Variants in MSRA observed in about 807,000 individuals in gnomAD.
MSRA encodes the protein methionine sulfoxide reductase A.
A neutral mutation model predicts 31.3 loss-of-function variants in MSRA; 54 were observed. The ratio of observed to expected loss-of-function variants is 1.73; its 90% CI spans 1.39 to 2.17. MSRA has a LOEUF of 2.17. Ranked by LOEUF, MSRA falls within the 30% of genes most tolerant of loss-of-function variation. MSRA has a pLI of 0.00. For synonymous variants in MSRA, 169 were observed against 116.5 expected (o/e 1.45, Z -2.90); for missense variants, 507 against 300.9 (o/e 1.69, Z -5.07).
At chr8:10,304,320 T>C (rs756114673) in intron 4 of MSRA, among the ~76,000 whole-genome samples, 1 of 152,232 alleles carries the variant, frequency 6.6e-6, no homozygotes, top group Non-Finnish European at 1.5e-5. Context: ...AATATATTCC[T>C]ACAGGAAGAA....
chr8:10,266,490 T>C (rs1182372594), intron 3 of MSRA, among the ~76,000 whole-genome samples: 3 of 152,246 alleles, frequency 2.0e-5, no homozygotes, highest in African/African-American at 7.2e-5. Flanking sequence ...ACAAGTCCTT[T>C]ATCAGACATA....
intron 1 of MSRA, among the ~76,000 whole-genome samples, chr8:10,072,745 T>G (rs1018920934): frequency 1.3e-5 from 2 of 152,232 alleles, no homozygotes; most frequent in Admixed American, 1.3e-4. Context: ...TGTCTTTCCA[T>G]TTATTTAAGT....
chr8:10,117,227 G>C (rs1360128929), intron 1 of MSRA, among the ~76,000 whole-genome samples: 1 of 152,176 alleles, frequency 6.6e-6, no homozygotes, highest in East Asian at 1.9e-4. Flanking sequence ...TTTGATTTTT[G>C]AGGGAAGAGA....
intron 1 of MSRA, among the ~76,000 whole-genome samples, chr8:10,133,889 G>A (rs1802076120): frequency 6.6e-6 from 1 of 152,140 alleles, no homozygotes; most frequent in South Asian, 2.1e-4. Flanking sequence ...GGAGTGCAGT[G>A]TCACAATCTC....
chr8:10,138,868 G>A (rs532740035), intron 1 of MSRA, among the ~76,000 whole-genome samples: 7 of 152,272 alleles, frequency 4.6e-5, no homozygotes, highest in African/African-American at 1.7e-4. Flanking sequence ...GATAGCAGCA[G>A]CAGCAGCAGC....
chr8:10,421,133 G>A (rs1055878207), intron 5 of MSRA, among the ~76,000 whole-genome samples: 1 of 152,140 alleles, frequency 6.6e-6, no homozygotes, highest in African/African-American at 2.4e-5. Context: ...GCTCCTTTGG[G>A]TATTTTATAA....
At chr8:10,379,242 C>T (rs1178340473) in intron 5 of MSRA, among the ~76,000 whole-genome samples, 2 of 152,062 alleles carry the variant, frequency 1.3e-5, no homozygotes, top group Non-Finnish European at 2.9e-5. Context: ...AATTCCACTG[C>T]CCAATGCCTA....
At chr8:10,394,418 T>G (rs1015129426) in intron 5 of MSRA, among the ~76,000 whole-genome samples, 1 of 152,228 alleles carries the variant, frequency 6.6e-6, no homozygotes, top group South Asian at 2.1e-4. Context: ...GAATTAATGT[T>G]GTATCAAAGA....
chr8:10,405,819 A>T (rs770651487), intron 5 of MSRA, among the ~76,000 whole-genome samples: 116 of 137,200 alleles, frequency 8.5e-4, no homozygotes, highest in African/African-American at 2.7e-3. Context: ...GCGTACACCC[A>T]TGTGCTCACA....
intron 1 of MSRA, among the ~76,000 whole-genome samples, chr8:10,180,889 T>C (rs569818279): frequency 1.3e-5 from 2 of 152,326 alleles, no homozygotes; most frequent in South Asian, 4.1e-4. Flanking sequence ...TACTTCCAAA[T>C]GTTGCCACAT....
At chr8:10,121,364 G>C (rs1288130636) in intron 1 of MSRA, among the ~76,000 whole-genome samples, 3 of 152,202 alleles carry the variant, frequency 2.0e-5, no homozygotes, top group East Asian at 1.9e-4. Flanking sequence ...TGAGGCTGGA[G>C]ATTGTGATTT....
At chr8:10,154,597 T>A (rs1369270322) in intron 1 of MSRA, among the ~76,000 whole-genome samples, 2 of 152,152 alleles carry the variant, frequency 1.3e-5, no homozygotes, top group African/African-American at 4.8e-5. Flanking sequence ...CAGGATGGTC[T>A]TGATCACCTG....
chr8:10,272,148 C>T (rs1163760153), intron 3 of MSRA, among the ~76,000 whole-genome samples: 2 of 152,210 alleles, frequency 1.3e-5, no homozygotes, highest in Non-Finnish European at 2.9e-5. Flanking sequence ...TTATTCCCTT[C>T]ACTTTGTTCT....
intron 1 of MSRA, among the ~76,000 whole-genome samples, chr8:10,121,271 A>G (rs999890674): frequency 2.6e-5 from 4 of 152,190 alleles, no homozygotes; most frequent in African/African-American, 7.2e-5. Context: ...ACAGCTTGAA[A>G]TAGATAACTT....
chr8:10,154,665 C>T (rs1803999023), intron 1 of MSRA, among the ~76,000 whole-genome samples: 1 of 152,152 alleles, frequency 6.6e-6, no homozygotes, highest in South Asian at 2.1e-4. Context: ...GCATGAGCCA[C>T]CGCGTCCAGC....
At chr8:10,133,811 A>G (rs540093459) in intron 1 of MSRA, among the ~76,000 whole-genome samples, 6 of 151,918 alleles carry the variant, frequency 3.9e-5, no homozygotes, top group South Asian at 4.2e-4. Flanking sequence ...TTTGGATCCT[A>G]TGGTTTTTTT....
At chr8:10,260,415 A>T (rs1454108272) in intron 3 of MSRA, among the ~76,000 whole-genome samples, 2 of 152,102 alleles carry the variant, frequency 1.3e-5, no homozygotes, top group Non-Finnish European at 2.9e-5. Flanking sequence ...GAGGAGACAG[A>T]GGAGGAGGAA....
At chr8:10,234,846 T>C (rs1563251156) in intron 2 of MSRA, among the ~76,000 whole-genome samples, 1 of 152,068 alleles carries the variant, frequency 6.6e-6, no homozygotes, top group East Asian at 1.9e-4. Flanking sequence ...TTAAAAATAC[T>C]AAACAATAAC....
intron 4 of MSRA, among the ~76,000 whole-genome samples, chr8:10,310,755 C>G (rs1563336379): frequency 6.6e-6 from 1 of 152,222 alleles, no homozygotes; most frequent in Non-Finnish European, 1.5e-5. Context: ...GGGCTAAAAT[C>G]GAAGCCTGAT....
Sources: allele counts gnomAD v4.1 joint callset (sites outside exome capture counted in the v4.1 genomes callset), GRCh38; gene constraint gnomAD v4.1.1; transcripts MANE v1.5; gene names NCBI Gene and HGNC (gene_info 2026-07-23, HGNC 2026-07-21).